NME1: variants seen among roughly 807,000 people sequenced by gnomAD.
NME1 encodes NME/NM23 nucleoside diphosphate kinase 1, also known as nucleoside diphosphate kinase A.
A neutral mutation model predicts 17.2 loss-of-function variants in NME1; 9 were observed. The observed-to-expected ratio is 0.52, with a 90% confidence interval of 0.32 to 0.92. NME1 has a LOEUF of 0.92. Among genes scored for constraint, NME1 ranks in the 40% least tolerant of loss-of-function variants. The probability of loss-of-function intolerance (pLI) is 0.04; values close to 1 mark genes in which losing one functional copy is unlikely to be tolerated. For missense variants in NME1, 169 were observed against 201.7 expected (o/e 0.84, Z 0.98); for synonymous variants, 72 against 70.8 (o/e 1.02, Z -0.09).
At chr17:51,161,539 C>T (rs554245580) in intron 4 of NME1, 189 bp from the exon 5 acceptor site, 49 of 678,172 alleles carry the variant, frequency 7.2e-5, no homozygotes, top group East Asian at 2.7e-4. Context: ...CCAGCGTGGC[C>T]GGGAGGGCTG....
chr17:51,160,678 C>T (rs1267449914), intron 3 of NME1: 7 of 245,910 alleles, frequency 2.8e-5, no homozygotes, highest in South Asian at 5.1e-5. Context: ...GGTGCCATCT[C>T]GTCTCACCGC....
chr17:51,157,682 C>T lies in NME1; in HGVS notation c.126+1902C>T, dbSNP rs1337777197. 3.9e-5 allele frequency among the ~76,000 whole-genome samples: 6 copies of T among 152,124 alleles called. No individual in the cohort carries two copies. In the East Asian group the frequency reaches 5.8e-4, roughly 15 times the overall value. On this transcript the variant is annotated intron_variant, in intron 2 of 4. Coordinates refer to ENST00000393196, the MANE Select transcript of NME1 (RefSeq NM_000269.3). The stretch of plus-strand genomic sequence containing the variant: ...CTTGAGAAGTACTTACTCCTGTTCT[C>T]GTGGTTGTTAGTGATGAGCAACCTA...
Position 51,154,345 on chromosome 17 carries a change from AC to A in NME1, c.-5+684del, listed in dbSNP as rs769582619. ...GCTAAGATGCTGTAAGAAGAGGTTA[AC>A]TAAAGGACAGGAAGATGGGGCCAAG... On this transcript the variant is annotated intron_variant, in intron 1 of 4. Transcript: ENST00000393196. 3.7e-6 allele frequency: 6 copies of A among 1,610,036 alleles called. No homozygotes were observed. In the South Asian group the frequency reaches 6.6e-5, roughly 18 times the overall value.
intron 2 of NME1, among the ~76,000 whole-genome samples, chr17:51,159,688 T>G (rs563699095): frequency 6.9e-6 from 1 of 145,178 alleles, no homozygotes; most frequent in South Asian, 2.2e-4. Flanking sequence ...GGAGGATCAC[T>G]TGAGCCCAGG....
At chr17:51,155,918 C>G in intron 2 of NME1, 138 bp downstream of exon 2, 1 of 1,378,160 alleles carries the variant, frequency 7.3e-7, no homozygotes, top group African/African-American at 1.4e-5. Flanking sequence ...CCTGGAAACT[C>G]CTCAGTGCCC....
intron 2 of NME1, chr17:51,156,511 A>AC (rs1251963959): frequency 1.3e-5 from 2 of 152,824 alleles, no homozygotes; most frequent in Non-Finnish European, 2.9e-5. Context: ...ACATTGTGAA[A>AC]CCCCGTCTCT....
intron 2 of NME1, among the ~76,000 whole-genome samples, chr17:51,159,016 G>A (rs930800424): frequency 6.6e-6 from 1 of 152,174 alleles, no homozygotes; most frequent in Admixed American, 6.5e-5. Flanking sequence ...CTGAATAAAC[G>A]TGAAGCATCC....
intron 2 of NME1, among the ~76,000 whole-genome samples, chr17:51,156,951 C>T (rs996207552): frequency 2.0e-5 from 3 of 149,648 alleles, no homozygotes; most frequent in African/African-American, 7.4e-5. Context: ...TTCAGTGAGC[C>T]GATATTGCAC....
At position 51,153,678 on chromosome 17, in the gene NME1, G is replaced by T. The variant is rs75233941; in HGVS notation, c.-5+16G>T. On this transcript the variant is annotated intron_variant, in intron 1 of 4. Coordinates refer to ENST00000393196, the MANE Select transcript of NME1 (RefSeq NM_000269.3). The stretch of plus-strand genomic sequence containing the variant: ...AGCTGGAAGGGTAAGAGGTGTTCGG[G>T]ATCCTGAGAGGAAAAAGAAAGGAGT... The T allele has an allele frequency of 6.1e-3, 937 of 153,084 alleles. 7 individuals are homozygous for T. Among genetic ancestry groups the T allele is most frequent in the African/African-American group, 0.021 (883 of 41,598 alleles). 9.5% of individuals were successfully genotyped at this position (153,084 alleles called of 1,614,324 possible).
intron 2 of NME1, among the ~76,000 whole-genome samples, chr17:51,158,995 G>A (rs780680387): frequency 2.6e-5 from 4 of 152,176 alleles, no homozygotes; most frequent in Non-Finnish European, 5.9e-5. Context: ...TCACTGCTGG[G>A]CTTTTATCCT....
chr17:51,159,824 G>C (rs1293573939), intron 2 of NME1, among the ~76,000 whole-genome samples, 156 bp from the exon 3 acceptor site: 1 of 152,180 alleles, frequency 6.6e-6, no homozygotes, highest in African/African-American at 2.4e-5. Context: ...TCCTGTCACT[G>C]CTCCCTTCCA....
At chr17:51,161,353 G>T in intron 4 of NME1, 81 bp downstream of exon 4, 1 of 1,265,314 alleles carries the variant, frequency 7.9e-7, no homozygotes, top group South Asian at 1.3e-5. Flanking sequence ...GCTGGAGGTA[G>T]ACATGATACC....
Position 51,162,060 on chromosome 17 carries a change from C to A in NME1, c.*215C>A. ...ATAGGATTCATTGAGTTGGTTACTT[C>A]ATATTGTTGCATTGCTTTTTTTTCC... On this transcript the variant is annotated 3_prime_UTR_variant, in exon 5 of 5. Transcript: ENST00000393196. 1.9e-6 allele frequency: 1 copy of A among 531,582 alleles called. No individual in the cohort carries two copies. The highest frequency in any genetic ancestry group is 3.4e-6 in the Non-Finnish European group (1 of 294,790). The allele number at this position is 531,582 out of a possible 1,614,324, so 32.9% of individuals were successfully genotyped here.
Position 51,159,714 on chromosome 17 carries a change from T to A in NME1, c.127-266T>A, listed in dbSNP as rs181599893. Among the ~76,000 whole-genome samples the A allele has an allele frequency of 3.3e-5, 5 of 152,166 alleles. No individual in the cohort carries two copies. In the East Asian group the frequency reaches 5.8e-4, roughly 18 times the overall value. On this transcript the variant is annotated intron_variant, in intron 2 of 4. Transcript: ENST00000393196. The stretch of plus-strand genomic sequence containing the variant: ...TGAGCCCAGGAGTTTGATTTTTTTT[T>A]AAATGAGATAGCTGGATTTAATTTT...
intron 1 of NME1, chr17:51,154,115 C>G: frequency 2.0e-6 from 1 of 495,894 alleles, no homozygotes; most frequent in South Asian, 2.2e-5. Flanking sequence ...TGCCCCGCAC[C>G]CCATCGTGCG....
Position 51,161,796 on chromosome 17 carries a change from A to G in NME1, c.410A>G (p.Glu137Gly), listed in dbSNP as rs1186396877. 6.2e-7 allele frequency: 1 copy of G among 1,614,020 alleles called. No individual in the cohort carries two copies. The highest frequency in any genetic ancestry group is 2.2e-5 in the East Asian group (1 of 44,880). ...EKEIGLWFHPEELVDYTSCAQ... is the reference protein window; with the variant it reads ...EKEIGLWFHPGELVDYTSCAQ... The stretch of plus-strand genomic sequence containing the variant: ...GAGATCGGCTTGTGGTTTCACCCTG[A>G]GGAACTGGTAGATTACACGAGCTGT... The change falls in exon 5 of 5, where the codon GAG (glutamate) becomes GGG (glycine). Residue 137 changes from glutamate to glycine, a missense_variant. Glu to Gly is a moderately conservative substitution (Grantham distance 98, BLOSUM62 -2). Coordinates refer to ENST00000393196, the MANE Select transcript of NME1 (RefSeq NM_000269.3).
chr17:51,156,981 CAGAG>C (rs747753734), intron 2 of NME1, among the ~76,000 whole-genome samples: 18 of 143,766 alleles, frequency 1.3e-4, no homozygotes, highest in Non-Finnish European at 2.6e-4. Context: ...GCCTGGGCAA[CAGAG>C]GGAGGGAGAC....
At chr17:51,156,753 G>A (rs962741875) in intron 2 of NME1, among the ~76,000 whole-genome samples, 4 of 151,796 alleles carry the variant, frequency 2.6e-5, no homozygotes, top group African/African-American at 9.7e-5. Context: ...TTAGCCAGGC[G>A]TGGTGGCATG....
intron 4 of NME1, 59 bp from the exon 5 acceptor site, chr17:51,161,669 A>T: frequency 8.1e-7 from 1 of 1,237,256 alleles, no homozygotes; most frequent in African/African-American, 1.5e-5. Flanking sequence ...GATTTCTGGC[A>T]ATGGGCGCAT....
Sources: gnomAD v4.1 joint callset for allele counts (sites outside exome capture counted in the v4.1 genomes callset) on GRCh38, gnomAD v4.1.1 for gene constraint, MANE v1.5 for transcripts, NCBI Gene and HGNC (gene_info 2026-07-23, HGNC 2026-07-21) for gene names.